The following DAB1 variants were observed in gnomAD, a reference collection of about 807,000 sequenced individuals.
DAB1 encodes the protein DAB adaptor protein 1, also known as disabled homolog 1.
A neutral mutation model predicts 64.6 loss-of-function variants in DAB1; 15 were observed. The observed-to-expected ratio is 0.23, with a 90% confidence interval of 0.16 to 0.36. The LOEUF is 0.36. Among genes scored for constraint, DAB1 ranks in the 10% least tolerant of loss-of-function variants. The pLI, the probability that DAB1 is intolerant of heterozygous loss-of-function variation, is 1.00. For missense variants in DAB1, 596 were observed against 706.7 expected (o/e 0.84, Z 1.78); for synonymous variants, 235 against 251.9 (o/e 0.93, Z 0.64).
chr1:58,228,985 C>T (rs1488058426), intron 4 of DAB1: 4 of 435,332 alleles, frequency 9.2e-6, no homozygotes, highest in African/African-American at 4.1e-5. Flanking sequence ...TCCACCAGCC[C>T]GAAGCCCCTG....
intron 6 of DAB1, among the ~76,000 whole-genome samples, chr1:57,776,583 A>C (rs907086120): frequency 1.1e-4 from 16 of 151,602 alleles, no homozygotes; most frequent in Non-Finnish European, 1.6e-4. Context: ...TTGCCTTATT[A>C]GCTATTCTTT....
chr1:58,028,139 C>T (rs1646920878), intron 5 of DAB1, among the ~76,000 whole-genome samples: 2 of 150,960 alleles, frequency 1.3e-5, no homozygotes, highest in African/African-American at 4.9e-5. Context: ...AGCTATCCTA[C>T]AAGATAGGCA....
chr1:58,251,416 C>T (rs1029316490), intron 4 of DAB1, among the ~76,000 whole-genome samples: 4 of 152,100 alleles, frequency 2.6e-5, no homozygotes, highest in Non-Finnish European at 5.9e-5. Flanking sequence ...TCGCTATTGA[C>T]CAAAATTTAA....
intron 3 of DAB1, among the ~76,000 whole-genome samples, chr1:58,442,669 A>G (rs973609625): frequency 6.6e-6 from 1 of 152,214 alleles, no homozygotes; most frequent in Non-Finnish European, 1.5e-5. Context: ...GTCACTGACA[A>G]GCTGTGTGTC....
rs533023989 is a variant in DAB1, at chr1:57,709,694, G to A, written n.552-60029C>T. Among the ~76,000 whole-genome samples the A allele has an allele frequency of 2.4e-3, 366 of 152,234 alleles. 2 individuals are homozygous for A. The highest frequency in any genetic ancestry group is 8.4e-3 in the African/African-American group (348 of 41,538). On this transcript the variant is annotated intron_variant and non_coding_transcript_variant, in intron 6 of 20. Coordinates refer to the DAB1 transcript ENST00000485760. ...TTTTATAGATGAGCTTGAGGAGGTGGTGTCTGACTTACGCACAAGATTGAT... is the reference window on the plus strand; with the variant it reads ...TTTTATAGATGAGCTTGAGGAGGTGATGTCTGACTTACGCACAAGATTGAT...
chr1:57,927,400 G>A (rs1484011182), intron 5 of DAB1, among the ~76,000 whole-genome samples: 4 of 152,096 alleles, frequency 2.6e-5, no homozygotes, highest in Non-Finnish European at 4.4e-5. Context: ...TTGGAAGGCT[G>A]AGGAGGGAGG....
chr1:58,183,680 T>C (rs1032597262), intron 4 of DAB1, among the ~76,000 whole-genome samples: 2 of 151,800 alleles, frequency 1.3e-5, no homozygotes, highest in Non-Finnish European at 2.9e-5. Context: ...ACAAGTGATA[T>C]TTTAGATGAC....
At chr1:57,016,038 T>A (rs1056548035) in intron 11 of DAB1, among the ~76,000 whole-genome samples, 1 of 152,202 alleles carries the variant, frequency 6.6e-6, no homozygotes, top group South Asian at 2.1e-4. Context: ...GTAAAATGGG[T>A]ATAAACACCT....
At chr1:57,284,747 T>C (rs1234933526) in intron 2 of DAB1, among the ~76,000 whole-genome samples, 1 of 152,266 alleles carries the variant, frequency 6.6e-6, no homozygotes, top group Admixed American at 6.5e-5. Context: ...TATAAGCTCC[T>C]ATGAGGTAAG....
chr1:57,061,146 T>A (rs1056978426), intron 9 of DAB1, among the ~76,000 whole-genome samples: 1 of 149,634 alleles, frequency 6.7e-6, no homozygotes, highest in African/African-American at 2.5e-5. Flanking sequence ...TCCCTAGACT[T>A]GGGTTTTTGA....
chr1:57,000,923 C>A (rs893283025), intron 14 of DAB1, among the ~76,000 whole-genome samples: 1 of 152,220 alleles, frequency 6.6e-6, no homozygotes, highest in African/African-American at 2.4e-5. Flanking sequence ...GTTTCTGCAG[C>A]TGAGATAAAT....
intron 4 of DAB1, among the ~76,000 whole-genome samples, chr1:58,180,949 T>G (rs1570455111): frequency 6.6e-6 from 1 of 152,314 alleles, no homozygotes; most frequent in South Asian, 2.1e-4. Context: ...ATTCTGCTGC[T>G]GTTGGATGGA....
intron 6 of DAB1, among the ~76,000 whole-genome samples, chr1:57,803,667 A>G (rs1490665615): frequency 6.6e-6 from 1 of 152,224 alleles, no homozygotes; most frequent in Admixed American, 6.5e-5. Context: ...GACTCCGTCA[A>G]TGTCAGTTTT....
At chr1:58,374,666 C>CT (rs1295868609) in intron 3 of DAB1, among the ~76,000 whole-genome samples, 1 of 135,708 alleles carries the variant, frequency 7.4e-6, no homozygotes, top group Non-Finnish European at 1.6e-5. Context: ...GATGCGGGCT[C>CT]TTTTTTGGTT....
chr1:57,088,585 C>T (rs2100651207), intron 4 of DAB1, among the ~76,000 whole-genome samples: 1 of 152,316 alleles, frequency 6.6e-6, no homozygotes, highest in East Asian at 1.9e-4. Flanking sequence ...TCACATGGAT[C>T]AACCTGCTAC....
intron 3 of DAB1, among the ~76,000 whole-genome samples, chr1:58,407,505 T>C (rs1644627466): frequency 6.6e-6 from 1 of 152,198 alleles, no homozygotes; most frequent in Non-Finnish European, 1.5e-5. Context: ...GCTGAAAATA[T>C]TTTCGGGTGT....
chr1:57,602,704 C>G (rs565280005), intron 7 of DAB1, among the ~76,000 whole-genome samples: 1 of 152,220 alleles, frequency 6.6e-6, no homozygotes, highest in African/African-American at 2.4e-5. Context: ...GAGGCAAGAA[C>G]TGATAGACCA....
At chr1:57,068,843 T>A (rs1245194447) in intron 8 of DAB1, among the ~76,000 whole-genome samples, 2 of 152,198 alleles carry the variant, frequency 1.3e-5, no homozygotes, top group East Asian at 1.9e-4. Context: ...GTTTATAACA[T>A]CTTCATGAGA....
intron 7 of DAB1, among the ~76,000 whole-genome samples, chr1:57,525,960 C>T (rs552653228): frequency 1.1e-4 from 15 of 137,918 alleles, no homozygotes; most frequent in East Asian, 1.1e-3. Flanking sequence ...TTTTTTGAGA[C>T]GGAGTTTTGC....
Sources: allele counts gnomAD v4.1 joint callset (sites outside exome capture counted in the v4.1 genomes callset), GRCh38; gene constraint gnomAD v4.1.1; transcripts MANE v1.5; gene names NCBI Gene and HGNC (gene_info 2026-07-23, HGNC 2026-07-21).